Variants in HSPA12A observed in about 807,000 individuals in gnomAD.
HSPA12A encodes heat shock 70 kDa protein 12A.
In HSPA12A, 28 loss-of-function variants were observed where a neutral mutation model predicts 69.2. That is an observed-to-expected ratio of 0.40 (90% CI 0.30 to 0.55). The LOEUF (loss-of-function observed/expected upper bound fraction) is 0.55. Ranked by LOEUF, HSPA12A falls within the 20% of genes least tolerant of loss-of-function variation. The probability of loss-of-function intolerance (pLI) is 0.38; values close to 1 mark genes in which losing one functional copy is unlikely to be tolerated. For synonymous variants in HSPA12A, 345 were observed against 370.5 expected, an observed-to-expected ratio of 0.93 and a Z score of 0.79; for missense variants, 686 against 900.7, an observed-to-expected ratio of 0.76 and a Z score of 3.05.
rs782481163 is a variant in HSPA12A, at chr10:116,673,960, C to T, written c.*821G>A. On this transcript the variant is annotated 3_prime_UTR_variant, in exon 12 of 12. Transcript: ENST00000369209. The stretch of plus-strand genomic sequence containing the variant: ...CTCATTTTCTTACCCAGAATTCCTA[C>T]TAAGGTTCACTAGAATTACTTATGA... 8 of 152,178 alleles carry T rather than the reference C, an allele frequency of 5.3e-5. No individual in the cohort carries two copies. The highest frequency in any genetic ancestry group is 8.8e-5 in the Non-Finnish European group (6 of 68,032). 9.4% of individuals were successfully genotyped at this position (152,178 alleles called of 1,614,324 possible).
At chr10:116,837,191 T>C (rs1407752493) in intron 1 of HSPA12A, among the ~76,000 whole-genome samples, 1 of 152,234 alleles carries the variant, frequency 6.6e-6, no homozygotes, top group Non-Finnish European at 1.5e-5. Context: ...TAAATCACTT[T>C]GTCACAGACA....
chr10:116,683,518 C>T (rs554388644), intron 7 of HSPA12A: 39 of 326,164 alleles, frequency 1.2e-4, no homozygotes, highest in African/African-American at 7.8e-4. Context: ...CCAATAACCG[C>T]TCTCAGGCTA....
chr10:116,692,013 C>T (rs1554880190), intron 6 of HSPA12A, among the ~76,000 whole-genome samples: 1 of 152,234 alleles, frequency 6.6e-6, no homozygotes, highest in Non-Finnish European at 1.5e-5. Context: ...AAGGTTCTCA[C>T]TTCATTTCAC....
In HSPA12A at chr10:116,674,773, CGGGA is replaced by C; in HGVS notation, c.*4_*7del. On this transcript the variant is annotated 3_prime_UTR_variant, in exon 12 of 12. Transcript: ENST00000369209. ...GAGTCCAAGGGGACAGGCAGCGGGGCGGGAGGGTTAGTAATTTAAGAAGTCGATC... is the reference window on the plus strand; with the variant it reads ...GAGTCCAAGGGGACAGGCAGCGGGGCGGGTTAGTAATTTAAGAAGTCGATC... 6.3e-7 allele frequency: 1 copy of C among 1,597,402 alleles called. No individual in the cohort carries two copies. The highest frequency in any genetic ancestry group is 8.5e-7 in the Non-Finnish European group (1 of 1,171,854).
chr10:116,709,496 A>G (rs756068983), intron 1 of HSPA12A, among the ~76,000 whole-genome samples: 70 of 152,172 alleles, frequency 4.6e-4, no homozygotes, highest in Non-Finnish European at 1.3e-4. Context: ...TGGTATATCC[A>G]TACAACAGAA....
rs1849110307 is a variant in HSPA12A, at chr10:116,672,373, A to C, written c.*2408T>G. 1 of 152,238 alleles carries C rather than the reference A, an allele frequency of 6.6e-6. No individual in the cohort carries two copies. The highest frequency in any genetic ancestry group is 2.4e-5 in the African/African-American group (1 of 41,460). 9.4% of individuals were successfully genotyped at this position (152,238 alleles called of 1,614,324 possible). A position where few individuals can be genotyped will look rare whatever the true frequency, so the allele number is the denominator to read the frequency against. ...CGTTCAGCTCTTAAAGTCTGCACAGAAGAACTGATAGAATCTGCTCCTTTC... is the reference window on the plus strand; with the variant it reads ...CGTTCAGCTCTTAAAGTCTGCACAGCAGAACTGATAGAATCTGCTCCTTTC... On this transcript the variant is annotated 3_prime_UTR_variant, in exon 12 of 12. Transcript: ENST00000369209.
rs782748326 is a variant in HSPA12A at position 116,679,664 on chromosome 10, G to C, written c.1125C>G (p.Arg375=). Residue 375 remains arginine (R), a synonymous_variant, in exon 10 of 12, where the codon CGC becomes CGG. Coordinates refer to ENST00000369209, the MANE Select transcript of HSPA12A (RefSeq NM_025015.3). ...TCATTAAGTCAACCCAGGCTGCAGGGCGTTTGATTTTGAATTGTTCAATAA... is the reference window on the plus strand; with the variant it reads ...TCATTAAGTCAACCCAGGCTGCAGGCCGTTTGATTTTGAATTGTTCAATAA... The part of the protein sequence containing the change: ...EDFIEQFKIK[R]PAAWVDLMIA... 1.9e-6 allele frequency: 3 copies of C among 1,614,246 alleles called. No homozygotes were observed. The highest frequency in any genetic ancestry group is 2.7e-5 in the African/African-American group (2 of 75,070).
chr10:116,845,945 T>C (rs187259019), intron 1 of HSPA12A, among the ~76,000 whole-genome samples: 5 of 152,330 alleles, frequency 3.3e-5, no homozygotes, highest in African/African-American at 1.2e-4. Flanking sequence ...GCACACCAAC[T>C]TTTCAAAATG....
At chr10:116,727,568 G>A (rs1048416641) in intron 1 of HSPA12A, among the ~76,000 whole-genome samples, 3 of 152,086 alleles carry the variant, frequency 2.0e-5, no homozygotes, top group African/African-American at 7.2e-5. Flanking sequence ...TTTGACTTAT[G>A]ATTACTTAAC....
At chr10:116,846,164 T>C (rs1023196008) in intron 1 of HSPA12A, among the ~76,000 whole-genome samples, 1 of 152,192 alleles carries the variant, frequency 6.6e-6, no homozygotes, top group Non-Finnish European at 1.5e-5. Flanking sequence ...TGGTAGTTTC[T>C]ATTTATTGAT....
At chr10:116,717,270 G>A (rs1554883876) in intron 1 of HSPA12A, among the ~76,000 whole-genome samples, 1 of 152,174 alleles carries the variant, frequency 6.6e-6, no homozygotes, top group Non-Finnish European at 1.5e-5. Context: ...CACGTTCCCA[G>A]TGCCACTAAG....
chr10:116,701,823 G>A (rs140098656), intron 3 of HSPA12A, among the ~76,000 whole-genome samples: 1 of 152,324 alleles, frequency 6.6e-6, no homozygotes, highest in Non-Finnish European at 1.5e-5. Flanking sequence ...GCTGGAATCA[G>A]GCTGAGGAGA....
chr10:116,829,055 A>G (rs1302297214), intron 2 of HSPA12A: 1 of 152,144 alleles, frequency 6.6e-6, no homozygotes, highest in Non-Finnish European at 1.5e-5. Flanking sequence ...TGCCAGATAT[A>G]TTTTGGCTGT....
intron 1 of HSPA12A, among the ~76,000 whole-genome samples, chr10:116,730,227 TTTTATGTG>T (rs1851108069): frequency 6.6e-6 from 1 of 152,188 alleles, no homozygotes; most frequent in Non-Finnish European, 1.5e-5. Flanking sequence ...ACTGCACATG[TTTTATGTG>T]TAGGACAAAT....
chr10:116,677,946 A>C (rs116562700), intron 10 of HSPA12A, among the ~76,000 whole-genome samples: 1 of 152,170 alleles, frequency 6.6e-6, no homozygotes, highest in African/African-American at 2.4e-5. Context: ...AAAAGGAAAA[A>C]TTCATTAGCT....
intron 1 of HSPA12A, among the ~76,000 whole-genome samples, chr10:116,840,847 T>C (rs1434438596): frequency 6.6e-6 from 1 of 152,224 alleles, no homozygotes. Flanking sequence ...CTACCTAGGA[T>C]TGCTCAGTGA....
chr10:116,782,679 A>C (rs534147051), intron 2 of HSPA12A, among the ~76,000 whole-genome samples: 3 of 152,230 alleles, frequency 2.0e-5, no homozygotes, highest in Non-Finnish European at 4.4e-5. Context: ...GGGCTCATAG[A>C]CATGCTATCA....
chr10:116,814,922 T>C (rs1016479919), intron 2 of HSPA12A, among the ~76,000 whole-genome samples: 2 of 152,186 alleles, frequency 1.3e-5, no homozygotes, highest in Non-Finnish European at 1.5e-5. Flanking sequence ...GAGCTAAGAC[T>C]TAGTTTCCTA....
intron 1 of HSPA12A, among the ~76,000 whole-genome samples, chr10:116,721,304 G>A (rs1374648892): frequency 4.6e-5 from 7 of 152,112 alleles, no homozygotes; most frequent in South Asian, 2.1e-4. Context: ...CCTGGGGACC[G>A]AATTTGCTCA....
Sources: allele counts gnomAD v4.1 joint callset (sites outside exome capture counted in the v4.1 genomes callset), GRCh38; gene constraint gnomAD v4.1.1; transcripts MANE v1.5; gene names NCBI Gene and HGNC (gene_info 2026-07-23, HGNC 2026-07-21).